Variants in BTRC observed in about 807,000 individuals in gnomAD.
The protein encoded by BTRC is beta-transducin repeat containing E3 ubiquitin protein ligase, also known as F-box/WD repeat-containing protein 1A.
Under a neutral mutation model 85.5 loss-of-function variants are expected in BTRC, and 42 were observed. That is an observed-to-expected ratio of 0.49 (90% confidence interval 0.38 to 0.64). The LOEUF (loss-of-function observed/expected upper bound fraction) is 0.64. Among genes scored for constraint, BTRC ranks in the 30% least tolerant of loss-of-function variants. The probability of loss-of-function intolerance (pLI) is 0.00; values close to 1 mark genes in which losing one functional copy is unlikely to be tolerated. For synonymous variants in BTRC, 255 were observed against 263.3 expected (o/e 0.97, Z 0.30); for missense variants, 594 against 743.5 (o/e 0.80, Z 2.34).
intron 1 of BTRC, among the ~76,000 whole-genome samples, chr10:101,385,615 C>CTT (rs146804594): frequency 0.45 from 21,107 of 46,692 alleles, 3,487 homozygotes; most frequent in East Asian, 0.63. Flanking sequence ...CTTTCTTCTT[C>CTT]TTCTTTTTTT....
chr10:101,367,043 AATATATATAT>A (rs1164265902), intron 1 of BTRC, among the ~76,000 whole-genome samples: 1 of 43,382 alleles, frequency 2.3e-5, no homozygotes, highest in African/African-American at 6.8e-5. Context: ...TATATATATA[AATATATATAT>A]ATATAAATAT....
chr10:101,419,300 T>G (rs908213360), intron 1 of BTRC, among the ~76,000 whole-genome samples: 4 of 152,186 alleles, frequency 2.6e-5, no homozygotes, highest in African/African-American at 7.2e-5. Flanking sequence ...TGTGAACCAC[T>G]TCGTCTGGCC....
At position 101,446,679 on chromosome 10, in the gene BTRC, A is replaced by G. The variant is rs537914741; in HGVS notation, c.157-15302A>G. Among the ~76,000 whole-genome samples, 5 of 152,328 alleles carry G rather than the reference A, an allele frequency of 3.3e-5. No homozygotes were observed. In the East Asian group the frequency reaches 7.7e-4, roughly 23 times the overall value. On this transcript the variant is annotated intron_variant, in intron 2 of 14. Coordinates refer to ENST00000370187, the MANE Select transcript of BTRC (RefSeq NM_033637.4). ...AAGATTGCAATATTCAACACCATCAAAAATGAAGTCTAGGCAACTGGAGTT... is the reference window on the plus strand; with the variant it reads ...AAGATTGCAATATTCAACACCATCAGAAATGAAGTCTAGGCAACTGGAGTT...
In BTRC at chr10:101,497,928, G is replaced by T. The variant is rs568183375; in HGVS notation, c.324+18471G>T. ...CAAGCTACTCAGGAGGCTGAGGCAG[G>T]AGAATTGCTTGAACCTGGGAGGCAG... is the stretch of plus-strand genomic sequence containing the variant. On this transcript the variant is annotated intron_variant, in intron 4 of 14. Transcript: ENST00000370187. 9.4e-4 allele frequency among the ~76,000 whole-genome samples: 143 copies of T among 152,098 alleles called. 3 individuals carry two copies. The South Asian group carries it at 0.028, about 30-fold the overall frequency.
intron 4 of BTRC, among the ~76,000 whole-genome samples, chr10:101,515,019 G>A (rs766230417): frequency 5.9e-5 from 9 of 151,762 alleles, no homozygotes; most frequent in African/African-American, 1.5e-4. Flanking sequence ...GCAGTGGCAC[G>A]ATCTCGGCTC....
intron 1 of BTRC, among the ~76,000 whole-genome samples, chr10:101,366,089 A>T (rs982415876): frequency 2.0e-5 from 3 of 152,154 alleles, no homozygotes; most frequent in African/African-American, 7.2e-5. Flanking sequence ...AATTTACACC[A>T]TAAAACCCCT....
chr10:101,362,214 C>T (rs1317383866), intron 1 of BTRC, among the ~76,000 whole-genome samples: 1 of 152,090 alleles, frequency 6.6e-6, no homozygotes, highest in Non-Finnish European at 1.5e-5. Flanking sequence ...GCCTTGGCCT[C>T]CCAAAGTGCT....
chr10:101,549,232 A>G (rs1202103487), intron 13 of BTRC, among the ~76,000 whole-genome samples: 2 of 150,018 alleles, frequency 1.3e-5, no homozygotes, highest in African/African-American at 2.5e-5. Context: ...CTTGAGTTCA[A>G]GACCAGCCTG....
intron 3 of BTRC, among the ~76,000 whole-genome samples, chr10:101,465,259 T>C (rs1422851724): frequency 6.6e-6 from 1 of 152,240 alleles, no homozygotes; most frequent in Non-Finnish European, 1.5e-5. Context: ...AAACTCACTA[T>C]TGATTATAAA....
Position 101,531,225 on chromosome 10 carries a change from G to T in BTRC, c.744-12G>T. The T allele has an allele frequency of 6.5e-7, 1 of 1,546,982 alleles. No individual in the cohort carries two copies. ...TCATGATTTTCACTGGGAAATATTT[G>T]TTATTTTTTAGGGGACAGTATTTAT... is the stretch of plus-strand genomic sequence containing the variant. On this transcript the variant is annotated splice_polypyrimidine_tract_variant and intron_variant, in intron 6 of 14. Transcript: ENST00000370187.
At chr10:101,450,271 G>A (rs1482611528) in intron 2 of BTRC, among the ~76,000 whole-genome samples, 1 of 152,088 alleles carries the variant, frequency 6.6e-6, no homozygotes, top group Non-Finnish European at 1.5e-5. Flanking sequence ...AACTGTTTTA[G>A]CCCCCTCCCT....
At chr10:101,427,113 C>CTTTTTTT (rs138285266) in intron 1 of BTRC, among the ~76,000 whole-genome samples, 5 of 109,362 alleles carry the variant, frequency 4.6e-5, no homozygotes, top group Non-Finnish European at 7.2e-5. Context: ...TTTTTTCTTT[C>CTTTTTTT]TTTTTTTTTT....
At chr10:101,496,898 C>CT (rs1458387707) in intron 4 of BTRC, among the ~76,000 whole-genome samples, 13 of 152,202 alleles carry the variant, frequency 8.5e-5, no homozygotes, top group African/African-American at 3.1e-4. Flanking sequence ...TGCCTTTTCA[C>CT]TTTTTAAATG....
intron 1 of BTRC, among the ~76,000 whole-genome samples, chr10:101,398,395 C>A (rs11190992): frequency 6.6e-6 from 1 of 151,716 alleles, no homozygotes; most frequent in Non-Finnish European, 1.5e-5. Context: ...CTCTGCCTTC[C>A]GGGTTCACAC....
chr10:101,544,446 A>G (rs904038365), intron 13 of BTRC, among the ~76,000 whole-genome samples: 2 of 144,018 alleles, frequency 1.4e-5, no homozygotes, highest in East Asian at 4.1e-4. Context: ...GTCTCATTCT[A>G]TATCCCAGGC....
intron 4 of BTRC, among the ~76,000 whole-genome samples, chr10:101,482,609 A>G (rs558307311): frequency 1.3e-5 from 2 of 151,146 alleles, no homozygotes; most frequent in African/African-American, 2.4e-5. Flanking sequence ...GTTGGCCGGG[A>G]TGGTCTTGAT....
chr10:101,381,534 T>C (rs1942927727), intron 1 of BTRC, among the ~76,000 whole-genome samples: 2 of 152,228 alleles, frequency 1.3e-5, no homozygotes, highest in South Asian at 4.1e-4. Context: ...ATATGTGAAC[T>C]GTAGAATTAG....
intron 4 of BTRC, among the ~76,000 whole-genome samples, chr10:101,489,785 T>C (rs1385561412): frequency 1.3e-5 from 2 of 152,316 alleles, no homozygotes; most frequent in East Asian, 3.9e-4. Flanking sequence ...GTTCCCATTG[T>C]TAAAAGATTT....
At chr10:101,503,338 G>T (rs562318399) in intron 4 of BTRC, among the ~76,000 whole-genome samples, 1 of 152,250 alleles carries the variant, frequency 6.6e-6, no homozygotes, top group African/African-American at 2.4e-5. Context: ...GAGCTTCATT[G>T]TCATTGAAAA....
Sources: gnomAD v4.1 joint callset for allele counts (sites outside exome capture counted in the v4.1 genomes callset) on GRCh38, gnomAD v4.1.1 for gene constraint, MANE v1.5 for transcripts, NCBI Gene and HGNC (gene_info 2026-07-23, HGNC 2026-07-21) for gene names.